The following MED13 variants were observed in gnomAD, a reference collection of about 807,000 sequenced individuals.
MED13 encodes the protein mediator complex subunit 13, also known as mediator of RNA polymerase II transcription subunit 13.
In MED13, 23 loss-of-function variants were observed where a neutral mutation model predicts 225.2. The observed-to-expected ratio is 0.10, with a 90% confidence interval of 0.07 to 0.14. The LOEUF (loss-of-function observed/expected upper bound fraction) is 0.14, where lower values mean the gene tolerates loss of function less well. Ranked by LOEUF, MED13 falls within the 10% of genes least tolerant of loss-of-function variation. MED13 has a pLI of 1.00. For synonymous variants in MED13, 942 were observed against 889.2 expected (o/e 1.06, Z -1.06); for missense variants, 2,197 against 2,594.5 (o/e 0.85, Z 3.33).
chr17:61,982,609 T>G lies in MED13; in HGVS notation c.3394A>C (p.Arg1132=), dbSNP rs1247887613. Residue 1132 remains arginine (R), a synonymous_variant, in exon 16 of 30, where the codon AGA becomes CGA. Transcript: ENST00000397786. ...CTCGFSAVMN[R]KFGNNSGLFL... is the part of the protein sequence containing the mutation. ...AATCCTGAATTGTTTCCAAATTTTC[T>G]GTTCATGACAGCACTGAAGCCACAG... The G allele has an allele frequency of 3.1e-6, 5 of 1,614,136 alleles. No homozygotes were observed. The highest frequency in any genetic ancestry group is 1.7e-5 in the Admixed American group (1 of 60,010).
At chr17:62,063,034 T>C (rs899747501) in intron 2 of MED13, 33 bp downstream of exon 2, 3 of 1,488,888 alleles carry the variant, frequency 2.0e-6, no homozygotes, top group African/African-American at 1.4e-5. Context: ...AATGTTGCTA[T>C]ATCATTAGTT....
intron 17 of MED13, among the ~76,000 whole-genome samples, chr17:61,970,425 A>T (rs1026887994): frequency 6.6e-6 from 1 of 152,204 alleles, no homozygotes; most frequent in African/African-American, 2.4e-5. Context: ...TCACGCCTGT[A>T]ATCTCAGCAC....
rs536336750 is a variant in MED13 at position 61,952,835 on chromosome 17, C to T, written c.6117+130G>A. 5.5e-4 allele frequency: 567 copies of T among 1,021,754 alleles called. 3 individuals carry two copies. In the African/African-American group the frequency reaches 8.5e-3, roughly 15 times the overall value. The allele number at this position is 1,021,754 out of a possible 1,614,324, so 63.3% of individuals were successfully genotyped here. On this transcript the variant is annotated intron_variant, in intron 27 of 29. Coordinates refer to ENST00000397786, the MANE Select transcript of MED13 (RefSeq NM_005121.3). ...CATTTTTAGTAGAGATGGGGTTTCA[C>T]CATATTGGCCAGGCTGGTCTCAAAC...
At position 61,969,194 on chromosome 17, in the gene MED13, A is replaced by C. The variant is rs969093904; in HGVS notation, c.3968-936T>G. 1.5e-4 allele frequency among the ~76,000 whole-genome samples: 23 copies of C among 152,118 alleles called. 1 individual carries two copies. The highest frequency in any genetic ancestry group is 1.2e-3 in the Admixed American group (18 of 15,270). ...AACATGGAGAAAGCCTGTCTCTATT[A>C]AAAATACAAAATTAGCCGGGCATGG... On this transcript the variant is annotated intron_variant, in intron 17 of 29. Coordinates refer to ENST00000397786, the MANE Select transcript of MED13 (RefSeq NM_005121.3).
intron 28 of MED13, among the ~76,000 whole-genome samples, chr17:61,950,171 T>C (rs2079884504): frequency 6.6e-6 from 1 of 152,156 alleles, no homozygotes; most frequent in Non-Finnish European, 1.5e-5. Flanking sequence ...ATGAGAAGGT[T>C]AGACAGAGGT....
chr17:62,059,669 T>C (rs1342438444), intron 2 of MED13, among the ~76,000 whole-genome samples: 1 of 151,706 alleles, frequency 6.6e-6, no homozygotes, highest in Non-Finnish European at 1.5e-5. Flanking sequence ...ATGGAAGAAA[T>C]GAAAAAGGGG....
rs1349530625 is a variant in MED13, at chr17:61,946,913, G to A, written c.6392+4C>T. 2 of 1,597,394 alleles carry A rather than the reference G, an allele frequency of 1.3e-6. No homozygotes were observed. Among genetic ancestry groups the A allele is most frequent in the Admixed American group, 3.3e-5 (2 of 59,948 alleles). The stretch of plus-strand genomic sequence containing the variant: ...ACAAACTGTTAATGGTAAAAGAGTT[G>A]TACCTGAGGACATCTGAAGTCTGAT... On this transcript the variant is annotated splice_donor_region_variant and intron_variant, in intron 29 of 29. Transcript: ENST00000397786.
chr17:61,961,472 A>G (rs2143344617), intron 22 of MED13, 116 bp downstream of exon 22: 1 of 895,722 alleles, frequency 1.1e-6, no homozygotes, highest in East Asian at 2.7e-5. Flanking sequence ...GTGAGCTGAG[A>G]TTGCCCCACT....
rs554978247 is a variant in MED13, at chr17:61,956,371, C to T, written c.5591G>A (p.Arg1864His). ...SSLPWRVVIG[R>H]LGRIGHGELK... ...TTCTCCATGACCAATCCTTCCTAGA[C>T]GACCAATTACAACTCTCCATGGCAA... The change falls in exon 24 of 30, where the codon CGT becomes CAT. Residue 1864 changes from arginine (R) to histidine (H), a missense_variant. Physicochemically the swap from Arg to His is conservative, Grantham distance 29. Around this residue, in one of 12 missense-constraint regions of MED13, gnomAD observed 216 missense variants for 388.9 expected, o/e 0.56. Coordinates refer to ENST00000397786, the MANE Select transcript of MED13 (RefSeq NM_005121.3). 5.5e-5 allele frequency: 88 copies of T among 1,613,740 alleles called. No individual in the cohort carries two copies. Among genetic ancestry groups the T allele is most frequent in the Admixed American group, 1.2e-4 (7 of 59,938 alleles).
intron 3 of MED13, chr17:62,036,826 T>C (rs2080807817): frequency 6.6e-6 from 1 of 152,244 alleles, no homozygotes; most frequent in South Asian, 2.1e-4. Flanking sequence ...CAAATGTAAC[T>C]GACAGAGGCT....
At chr17:61,989,432 C>T (rs981763370) in intron 11 of MED13, among the ~76,000 whole-genome samples, 1 of 152,164 alleles carries the variant, frequency 6.6e-6, no homozygotes, top group Non-Finnish European at 1.5e-5. Flanking sequence ...ACCTCCGACT[C>T]CTAGATTCAA....
At chr17:62,051,203 A>C (rs2080953830) in intron 3 of MED13, among the ~76,000 whole-genome samples, 2 of 152,128 alleles carry the variant, frequency 1.3e-5, no homozygotes, top group Admixed American at 1.3e-4. Context: ...ATGTCAACTA[A>C]AGTTTCCAGA....
chr17:62,008,209 C>G (rs969206170), intron 9 of MED13, among the ~76,000 whole-genome samples: 2 of 148,664 alleles, frequency 1.3e-5, no homozygotes, highest in African/African-American at 5.0e-5. Context: ...GTCCCAGCTA[C>G]TCAGGAGGCT....
intron 16 of MED13, among the ~76,000 whole-genome samples, chr17:61,977,406 CTA>C (rs2080166533): frequency 6.6e-6 from 1 of 152,168 alleles, no homozygotes; most frequent in Non-Finnish European, 1.5e-5. Context: ...CATGATGCTG[CTA>C]TAATTTAATC....
chr17:61,946,822 T>G (rs958132633), intron 29 of MED13, 95 bp downstream of exon 29: 12 of 1,260,832 alleles, frequency 9.5e-6, no homozygotes. Flanking sequence ...TACACAACTG[T>G]AAATTCTTGC....
chr17:61,945,720 T>G lies in MED13; in HGVS notation c.*748A>C, dbSNP rs1006989474. On this transcript the variant is annotated 3_prime_UTR_variant, in exon 30 of 30. Transcript: ENST00000397786. ...TTATAAACACAGTGAACTTCATTAC[T>G]GTACATGTACTCTGCAACTACAGCT... 1 of 152,650 alleles carries G rather than the reference T, an allele frequency of 6.6e-6. No homozygotes were observed. The highest frequency in any genetic ancestry group is 1.5e-5 in the Non-Finnish European group (1 of 68,040). The allele number at this position is 152,650 out of a possible 1,614,324, so 9.5% of individuals were successfully genotyped here. A position where few individuals can be genotyped will look rare whatever the true frequency, so the allele number is the denominator to read the frequency against.
chr17:62,004,286 C>G (rs549200061), intron 9 of MED13: 1 of 152,250 alleles, frequency 6.6e-6, no homozygotes, highest in East Asian at 1.9e-4. Context: ...CCTCATAGAG[C>G]TTACATTCTA....
chr17:62,061,926 T>G (rs1305775779), intron 2 of MED13, among the ~76,000 whole-genome samples: 1 of 152,134 alleles, frequency 6.6e-6, no homozygotes, highest in East Asian at 1.9e-4. Context: ...AAAATAACAA[T>G]TAACACTGGA....
intron 16 of MED13, among the ~76,000 whole-genome samples, chr17:61,976,244 T>C (rs1195237388): frequency 1.3e-5 from 2 of 152,208 alleles, no homozygotes; most frequent in Non-Finnish European, 2.9e-5. Flanking sequence ...AGTACTAATA[T>C]GTGCTATAGC....
Sources: allele counts gnomAD v4.1 joint callset (sites outside exome capture counted in the v4.1 genomes callset), GRCh38; gene constraint gnomAD v4.1.1; regional missense constraint gnomAD v4.1.1; transcripts MANE v1.5; gene names NCBI Gene and HGNC (gene_info 2026-07-23, HGNC 2026-07-21).